FAT3: variants seen among roughly 807,000 people sequenced by gnomAD.
FAT3 encodes protocadherin Fat 3.
A neutral mutation model predicts 310.2 loss-of-function variants in FAT3; 95 were observed. The ratio of observed to expected loss-of-function variants is 0.31; its 90% CI spans 0.26 to 0.36. The LOEUF is 0.36. Among genes scored for constraint, FAT3 ranks in the 10% least tolerant of loss-of-function variants. FAT3 has a pLI of 1.00. For synonymous variants in FAT3, 2,314 were observed against 2,192.9 expected, an observed-to-expected ratio of 1.06 and a Z score of -1.54; for missense variants, 5,408 against 5,715.6, an observed-to-expected ratio of 0.95 and a Z score of 1.74.
intron 3 of FAT3, among the ~76,000 whole-genome samples, chr11:92,599,017 G>GC (rs1939867605): frequency 6.6e-6 from 1 of 152,138 alleles, no homozygotes. Flanking sequence ...CATAGAAGAA[G>GC]CTTCTGAGAA....
intron 3 of FAT3, among the ~76,000 whole-genome samples, chr11:92,591,432 A>G (rs1939422009): frequency 6.6e-6 from 1 of 152,300 alleles, no homozygotes; most frequent in African/African-American, 2.4e-5. Flanking sequence ...ATTTAGGAAC[A>G]CTGTGGGATG....
intron 23 of FAT3, 85 bp from the exon 24 acceptor site, chr11:92,882,653 A>C: frequency 7.9e-7 from 1 of 1,271,834 alleles, no homozygotes; most frequent in East Asian, 2.7e-5. Flanking sequence ...TTTCTTTTAA[A>C]GATGTCTGTG....
chr11:92,596,406 C>T (rs1939709331), intron 3 of FAT3, among the ~76,000 whole-genome samples: 1 of 152,156 alleles, frequency 6.6e-6, no homozygotes, highest in Non-Finnish European at 1.5e-5. Flanking sequence ...CAAGGACACT[C>T]CTGGGGCTGA....
intron 1 of FAT3, among the ~76,000 whole-genome samples, chr11:92,294,867 C>G (rs954268216): frequency 7.9e-5 from 12 of 152,076 alleles, no homozygotes; most frequent in African/African-American, 2.9e-4. Context: ...CTCTGTTTCT[C>G]TTTCAAGTCT....
At chr11:92,882,179 C>G (rs1413183474) in intron 23 of FAT3, among the ~76,000 whole-genome samples, 1 of 152,120 alleles carries the variant, frequency 6.6e-6, no homozygotes, top group Non-Finnish European at 1.5e-5. Context: ...TTTTGAGGCT[C>G]TTTCTACTCT....
chr11:92,281,561 C>A (rs2134365296), intron 1 of FAT3, among the ~76,000 whole-genome samples: 1 of 152,254 alleles, frequency 6.6e-6, no homozygotes, highest in Admixed American at 6.5e-5. Context: ...ATCACTGACT[C>A]ATTCATCTCT....
intron 13 of FAT3, among the ~76,000 whole-genome samples, chr11:92,811,145 C>T (rs917121860): frequency 2.0e-5 from 3 of 152,008 alleles, no homozygotes; most frequent in African/African-American, 7.2e-5. Context: ...TATTAAAGAG[C>T]TTTGTGAAAA....
intron 2 of FAT3, among the ~76,000 whole-genome samples, chr11:92,434,227 A>T (rs1002851413): frequency 6.6e-6 from 1 of 152,108 alleles, no homozygotes; most frequent in Non-Finnish European, 1.5e-5. Flanking sequence ...TGGGGTGTTC[A>T]TGTTCCTCAT....
Position 92,352,592 on chromosome 11 carries a change from C to T in FAT3, c.480C>T (p.Pro160=), listed in dbSNP as rs1343894486. The part of the protein sequence containing the change: ...DMNDLRPLFS[P]TTYSVTIAES... ...ATGATCTGAGACCTTTGTTTTCACC[C>T]ACAACATACTCTGTTACCATAGCAG... The change falls in exon 2 of 28, where the codon CCC becomes CCT. Residue 160 remains proline (P), a synonymous_variant. Coordinates refer to ENST00000525166, the MANE Select transcript of FAT3 (RefSeq NM_001367949.2). 3 of 1,613,640 alleles carry T rather than the reference C, an allele frequency of 1.9e-6. No individual in the cohort carries two copies. The South Asian group carries it at 3.3e-5, about 18-fold the overall frequency.
At chr11:92,553,120 C>T (rs1954879647) in intron 3 of FAT3, among the ~76,000 whole-genome samples, 1 of 152,056 alleles carries the variant, frequency 6.6e-6, no homozygotes, top group South Asian at 2.1e-4. Context: ...AAAAACAAAA[C>T]AGGTTTTTCA....
rs753989720 is a variant in FAT3, at chr11:92,353,876, A to T, written c.1764A>T (p.Ser588=). The part of the protein sequence containing the change: ...FEKVACQGVI[S]YDFPVGGHIT... ...AAGTGGCTTGCCAGGGAGTTATTTC[A>T]TATGACTTTCCAGTTGGTGGTCACA... The change falls in exon 2 of 28, where the codon TCA becomes TCT. Residue 588 remains serine, a synonymous_variant. Transcript: ENST00000525166. The T allele has an allele frequency of 6.2e-7, 1 of 1,613,478 alleles. No homozygotes were observed.
Position 92,801,714 on chromosome 11 carries a change from G to A in FAT3, c.8701G>A (p.Ala2901Thr). ...TGTGGTGGCCTCTGACCTTGGAGAG[G>A]CATTCTCTCTTTCCTCCACGGCCTT... is the stretch of plus-strand genomic sequence containing the variant. ...FSVVASDLGE[A>T]FSLSSTALVS... Residue 2901 changes from alanine (A) to threonine (T), a missense_variant, in exon 10 of 28, where the codon GCA becomes ACA. Physicochemically the swap from Ala to Thr is moderately conservative, Grantham distance 58. This residue lies in a region of FAT3 where 4,588 missense variants were observed against 4,809.8 expected (regional missense o/e 0.95). Transcript: ENST00000525166. 4 of 1,613,914 alleles carry A rather than the reference G, an allele frequency of 2.5e-6. No individual in the cohort carries two copies. The highest frequency in any genetic ancestry group is 2.2e-5 in the East Asian group (1 of 44,876).
At chr11:92,575,899 AT>A (rs1938457826) in intron 3 of FAT3, among the ~76,000 whole-genome samples, 1 of 152,198 alleles carries the variant, frequency 6.6e-6, no homozygotes, top group Admixed American at 6.5e-5. Context: ...AAAGAAGGTT[AT>A]TTAAAAGTAT....
At chr11:92,823,178 T>G (rs1948015217) in intron 13 of FAT3, among the ~76,000 whole-genome samples, 1 of 152,206 alleles carries the variant, frequency 6.6e-6, no homozygotes, top group Non-Finnish European at 1.5e-5. Context: ...AATGAATGAA[T>G]GGATCCAGTG....
chr11:92,309,094 T>C (rs1308251517), intron 1 of FAT3, among the ~76,000 whole-genome samples: 1 of 152,188 alleles, frequency 6.6e-6, no homozygotes, highest in Non-Finnish European at 1.5e-5. Context: ...ACTGGTGATT[T>C]GGCCAGCTCG....
chr11:92,669,940 C>T (rs1943078950), intron 3 of FAT3, among the ~76,000 whole-genome samples: 2 of 152,190 alleles, frequency 1.3e-5, no homozygotes, highest in South Asian at 2.1e-4. Context: ...GAAAATTAAT[C>T]GGAAGTCCAA....
chr11:92,569,282 G>T (rs552989970), intron 3 of FAT3, among the ~76,000 whole-genome samples: 4 of 152,138 alleles, frequency 2.6e-5, no homozygotes, highest in Admixed American at 2.0e-4. Context: ...CTATTTTATA[G>T]CATTGCTGTG....
intron 1 of FAT3, among the ~76,000 whole-genome samples, chr11:92,226,516 G>T (rs1863914564): frequency 6.6e-6 from 1 of 151,980 alleles, no homozygotes; most frequent in African/African-American, 2.4e-5. Flanking sequence ...GGGTGCTCCC[G>T]GGGTGTGGGT....
intron 7 of FAT3, among the ~76,000 whole-genome samples, chr11:92,780,571 A>G (rs1018287030): frequency 6.6e-6 from 1 of 152,222 alleles, no homozygotes; most frequent in Non-Finnish European, 1.5e-5. Flanking sequence ...ACTAGAGTAG[A>G]TCAGGGTTTA....
Sources: gnomAD v4.1 joint callset for allele counts (sites outside exome capture counted in the v4.1 genomes callset) on GRCh38, gnomAD v4.1.1 for gene constraint, gnomAD v4.1.1 regional missense constraint, MANE v1.5 for transcripts, NCBI Gene and HGNC (gene_info 2026-07-23, HGNC 2026-07-21) for gene names.